Variants in FAM83E observed in about 807,000 individuals in gnomAD.
FAM83E encodes the protein scaffolding CK1 anchoring protein E.
In FAM83E, 29 loss-of-function variants were observed where a neutral mutation model predicts 34.3. That is an observed-to-expected ratio of 0.85 (90% confidence interval 0.63 to 1.15). The LOEUF is 1.15. Ranked by LOEUF, FAM83E falls within the 50% of genes most tolerant of loss-of-function variation. The probability of loss-of-function intolerance (pLI) is 0.00; values close to 1 mark genes in which losing one functional copy is unlikely to be tolerated. For synonymous variants in FAM83E, 312 were observed against 311.6 expected, an observed-to-expected ratio of 1.00 and a Z score of -0.01; for missense variants, 697 against 685.0, an observed-to-expected ratio of 1.02 and a Z score of -0.20.
rs574447035 is a variant in FAM83E at position 48,603,943 on chromosome 19, C to G, written c.759-32G>C. The G allele has an allele frequency of 1.3e-4, 201 of 1,579,958 alleles. 3 individuals are homozygous for G. In the South Asian group the frequency reaches 2.0e-3, roughly 16 times the overall value. ...GTCGGGGAGTAGGGGGTCAGAGTCTCCAACCCTGAGGGCCCAGCCCGGCCC... is the reference window on the plus strand; with the variant it reads ...GTCGGGGAGTAGGGGGTCAGAGTCTGCAACCCTGAGGGCCCAGCCCGGCCC... On this transcript the variant is annotated intron_variant, in intron 5 of 6. Coordinates refer to ENST00000263266, the MANE Select transcript of FAM83E (RefSeq NM_017708.4).
At chr19:48,606,889 G>A (rs906602691) in intron 5 of FAM83E, 14 of 1,478,210 alleles carry the variant, frequency 9.5e-6, no homozygotes, top group Admixed American at 6.7e-5. Flanking sequence ...GTGGGCAAGA[G>A]GAGTCCTCAG....
rs1973808430 is a variant in FAM83E, at chr19:48,601,256, G to C, written c.1290C>G (p.Ala430=). The part of the protein sequence containing the change: ...EVDSRPPWGG[A]LPLPPAHRLR... Reference sequence around the variant, plus strand: ...GGCGGTGGGCGGGGGGCAGGGGCAGGGCACCGCCCCACGGAGGTCGGGAGT... The same window carrying C: ...GGCGGTGGGCGGGGGGCAGGGGCAGCGCACCGCCCCACGGAGGTCGGGAGT... Residue 430 remains alanine, a synonymous_variant, in exon 7 of 7, where the codon GCC becomes GCG. Coordinates refer to ENST00000263266, the MANE Select transcript of FAM83E (RefSeq NM_017708.4). The C allele has an allele frequency of 1.9e-6, 3 of 1,602,002 alleles. No individual in the cohort carries two copies. In the East Asian group the frequency reaches 6.8e-5, roughly 36 times the overall value.
In FAM83E at chr19:48,614,771, G is replaced by C; in HGVS notation, c.-1319C>G. 1.0e-6 allele frequency: 1 copy of C among 985,352 alleles called. No individual in the cohort carries two copies. Among genetic ancestry groups the C allele is most frequent in the Non-Finnish European group, 1.2e-6 (1 of 830,024 alleles). 61.0% of individuals were successfully genotyped at this position (985,352 alleles called of 1,614,324 possible). On this transcript the variant is annotated 5_prime_UTR_variant, in exon 2 of 7. Coordinates refer to ENST00000263266, the MANE Select transcript of FAM83E (RefSeq NM_017708.4). ...AGTGCCTGCTTTTTCCGAGAACGTA[G>C]GCTGTGGCTCCCCGGCTTCTACTTC...
chr19:48,614,432 C>A lies in FAM83E; in HGVS notation c.-1060G>T. 1.0e-6 allele frequency: 1 copy of A among 985,680 alleles called. No individual in the cohort carries two copies. Among genetic ancestry groups the A allele is most frequent in the African/African-American group, 1.7e-5 (1 of 57,348 alleles). The allele number at this position is 985,680 out of a possible 1,614,324, so 61.1% of individuals were successfully genotyped here. A position where few individuals can be genotyped will look rare whatever the true frequency, so the allele number is the denominator to read the frequency against. ...GTTTCTGCCTAAATGCTATCTCCTGCCAGCTACCCGGACGCTTCTTCCCGG... is the reference window on the plus strand; with the variant it reads ...GTTTCTGCCTAAATGCTATCTCCTGACAGCTACCCGGACGCTTCTTCCCGG... On this transcript the variant is annotated 5_prime_UTR_variant, in exon 3 of 7. Transcript: ENST00000263266.
chr19:48,600,817 A>C lies in FAM83E; in HGVS notation c.*292T>G. The C allele has an allele frequency of 6.4e-6, 2 of 313,798 alleles. No homozygotes were observed. The highest frequency in any genetic ancestry group is 1.1e-5 in the Non-Finnish European group (2 of 183,110). The allele number at this position is 313,798 out of a possible 1,614,324, so 19.4% of individuals were successfully genotyped here. ...CAGGCGTGCGCCACCACACCCAACT[A>C]ATTTGTTTTTTTAATTGTAGAGATG... On this transcript the variant is annotated 3_prime_UTR_variant, in exon 7 of 7. Coordinates refer to ENST00000263266, the MANE Select transcript of FAM83E (RefSeq NM_017708.4).
In FAM83E at chr19:48,601,186, T is replaced by G. The variant is rs751398473; in HGVS notation, c.1360A>C (p.Thr454Pro). The G allele has an allele frequency of 6.2e-7, 1 of 1,612,920 alleles. No individual in the cohort carries two copies. The highest frequency in any genetic ancestry group is 1.1e-5 in the South Asian group (1 of 90,930). The change falls in exon 7 of 7, where the codon ACA becomes CCA. Residue 454 changes from threonine (T) to proline (P), a missense_variant. Physicochemically the swap from Thr to Pro is conservative, Grantham distance 38. Coordinates refer to ENST00000263266, the MANE Select transcript of FAM83E (RefSeq NM_017708.4). ...CCTCTGGGCTCTTGAAGTTTGAATG[T>G]AGCATCCCCACCGAACCGCCTTCGG... ...PARRRFGGDA[T>P]FKLQEPRGVR...
chr19:48,603,418 C>G, intron 6 of FAM83E, 76 bp downstream of exon 6: 1 of 1,365,140 alleles, frequency 7.3e-7, no homozygotes, highest in Non-Finnish European at 9.5e-7. Flanking sequence ...GCCCCTGGAG[C>G]CTGGCTTGCA....
chr19:48,610,376 G>A (rs1269377486), intron 4 of FAM83E, among the ~76,000 whole-genome samples: 2 of 126,706 alleles, frequency 1.6e-5, no homozygotes, highest in East Asian at 5.0e-4. Flanking sequence ...TCCAGCCTGG[G>A]CGACAAAGCA....
intron 5 of FAM83E, among the ~76,000 whole-genome samples, chr19:48,608,775 G>A (rs1350283065): frequency 3.1e-5 from 3 of 97,368 alleles, no homozygotes; most frequent in African/African-American, 6.2e-5. Flanking sequence ...AGCGCTCCCA[G>A]GGATTCTGGT....
intron 3 of FAM83E, among the ~76,000 whole-genome samples, chr19:48,612,274 G>A (rs763676556): frequency 1.5e-4 from 23 of 152,014 alleles, no homozygotes; most frequent in Non-Finnish European, 2.8e-4. Flanking sequence ...TGGAGGGAGA[G>A]TGGAAACCCC....
Position 48,600,650 on chromosome 19 carries a change from CTTTTTTT to C in FAM83E, c.*452_*458del, listed in dbSNP as rs780157808. On this transcript the variant is annotated 3_prime_UTR_variant, in exon 7 of 7. Transcript: ENST00000263266. ...CGATCAGCCTTTCTTTTTCTTTTTT[CTTTTTTT>C]TTTTTTTTTAAAGAGATGGCCTCTC... Among the ~76,000 whole-genome samples the C allele has an allele frequency of 7.2e-4, 99 of 136,694 alleles. No homozygotes were observed. The highest frequency in any genetic ancestry group is 2.3e-3 in the African/African-American group (86 of 37,288). The allele number at this position is 136,694 out of a possible 152,430, so 89.7% of individuals were successfully genotyped here.
At chr19:48,604,294 T>C (rs1973887159) in intron 5 of FAM83E, among the ~76,000 whole-genome samples, 1 of 149,386 alleles carries the variant, frequency 6.7e-6, no homozygotes, top group Non-Finnish European at 1.5e-5. Flanking sequence ...CTTGGGAGAC[T>C]GAGGCGGGAG....
intron 3 of FAM83E, among the ~76,000 whole-genome samples, chr19:48,611,691 C>G (rs1974044492): frequency 1.3e-5 from 2 of 152,152 alleles, no homozygotes; most frequent in African/African-American, 4.8e-5. Flanking sequence ...TGGTCTTGAA[C>G]CCCTGACCTC....
rs1163751541 is a variant in FAM83E, at chr19:48,612,974, C to T, written c.399G>A (p.Gln133=). 1 of 1,601,736 alleles carries T rather than the reference C, an allele frequency of 6.2e-7. No homozygotes were observed. Among genetic ancestry groups the T allele is most frequent in the Non-Finnish European group, 8.5e-7 (1 of 1,175,084 alleles). ...KGITRAQLYT[Q]PPGEGQPPLK... ...GGGGCGGCTGACCCTCTCCAGGAGG[C>T]TGGGTGTACAGCTGCGCCCGGGTGA... Residue 133 remains glutamine, a synonymous_variant, in exon 3 of 7, where the codon CAG becomes CAA. Transcript: ENST00000263266.
In FAM83E at chr19:48,614,641, A is replaced by G. The variant is rs2147651806; in HGVS notation, c.-1255-14T>C. ...CACAGCAGGGAGCTGCAAAGAGAAGAAAGGAGTCAAGGCAGGCCAGCCTCC... is the reference window on the plus strand; with the variant it reads ...CACAGCAGGGAGCTGCAAAGAGAAGGAAGGAGTCAAGGCAGGCCAGCCTCC... On this transcript the variant is annotated splice_polypyrimidine_tract_variant and intron_variant, in intron 2 of 6. Transcript: ENST00000263266. The G allele has an allele frequency of 3.0e-6, 3 of 986,044 alleles. No individual in the cohort carries two copies. Among genetic ancestry groups the G allele is most frequent in the Middle Eastern group, 5.2e-4 (1 of 1,918 alleles). 61.1% of individuals were successfully genotyped at this position (986,044 alleles called of 1,614,324 possible). A position where few individuals can be genotyped will look rare whatever the true frequency, so the allele number is the denominator to read the frequency against.
At chr19:48,603,987 C>T (rs1973882707) in intron 5 of FAM83E, 76 bp from the exon 6 acceptor site, 1 of 1,475,500 alleles carries the variant, frequency 6.8e-7, no homozygotes, top group East Asian at 2.6e-5. Context: ...AGCCAGGTCC[C>T]AGGGGAGACC....
At chr19:48,610,906 A>T in intron 3 of FAM83E, 59 bp from the exon 4 acceptor site, 1 of 1,519,480 alleles carries the variant, frequency 6.6e-7, no homozygotes, top group Non-Finnish European at 8.9e-7. Flanking sequence ...GGGGACACTC[A>T]GAGGGTGTGG....
chr19:48,612,324 G>A (rs1974055286), intron 3 of FAM83E, among the ~76,000 whole-genome samples: 1 of 151,988 alleles, frequency 6.6e-6, no homozygotes, highest in Admixed American at 6.6e-5. Context: ...ACTGAGACTG[G>A]GGGTGTCATA....
intron 4 of FAM83E, 139 bp from the exon 5 acceptor site, chr19:48,610,139 T>A: frequency 8.6e-7 from 1 of 1,162,652 alleles, no homozygotes; most frequent in Non-Finnish European, 1.2e-6. Flanking sequence ...TGGCTCACAC[T>A]TGTAATCCCA....
Sources: allele counts gnomAD v4.1 joint callset (sites outside exome capture counted in the v4.1 genomes callset), GRCh38; gene constraint gnomAD v4.1.1; transcripts MANE v1.5; gene names NCBI Gene and HGNC (gene_info 2026-07-23, HGNC 2026-07-21).